The following PTH1R variants were observed in gnomAD, a reference collection of about 807,000 sequenced individuals.
The protein encoded by PTH1R is parathyroid hormone 1 receptor, also known as parathyroid hormone/parathyroid hormone-related peptide receptor.
In PTH1R, 32 loss-of-function variants were observed where a neutral mutation model predicts 70.7. That is an observed-to-expected ratio of 0.45 (90% CI 0.34 to 0.61). The LOEUF (loss-of-function observed/expected upper bound fraction) is 0.61, where lower values mean the gene tolerates loss of function less well. PTH1R is among the 20% of genes least tolerant of loss of function. The pLI, the probability that PTH1R is intolerant of heterozygous loss-of-function variation, is 0.01. For missense variants in PTH1R, 626 were observed against 792.5 expected, an observed-to-expected ratio of 0.79 and a Z score of 2.52; for synonymous variants, 329 against 324.8, an observed-to-expected ratio of 1.01 and a Z score of -0.14.
Position 46,902,377 on chromosome 3 carries a change from T to C in PTH1R, c.1212-149T>C. ...TAGCACTTAGCCAGGACAGCAGCCA[T>C]GCAGGTGAACTGGGTTGTCCTCCCA... On this transcript the variant is annotated intron_variant, in intron 13 of 15. Coordinates refer to ENST00000449590, the MANE Select transcript of PTH1R (RefSeq NM_000316.3). The surrounding 1 kb of genome is among the most constrained non-coding windows in gnomAD (Gnocchi z 5.4). 2.8e-6 allele frequency: 3 copies of C among 1,085,134 alleles called. No homozygotes were observed. Among genetic ancestry groups the C allele is most frequent in the Non-Finnish European group, 4.1e-6 (3 of 733,386 alleles). The allele number at this position is 1,085,134 out of a possible 1,614,324, so 67.2% of individuals were successfully genotyped here.
chr3:46,899,270 C>G (rs1166150896), intron 9 of PTH1R, 33 bp from the exon 10 acceptor site: 1 of 1,613,554 alleles, frequency 6.2e-7, no homozygotes, highest in South Asian at 1.1e-5. Context: ...GAGGCAGGCC[C>G]TGCCCTCTGA....
At chr3:46,890,868 A>G (rs141583536) in intron 3 of PTH1R, among the ~76,000 whole-genome samples, 41 of 152,312 alleles carry the variant, frequency 2.7e-4, no homozygotes, top group African/African-American at 9.4e-4. Flanking sequence ...CAACTTTCTC[A>G]GACACGAAGC....
In PTH1R at chr3:46,898,168, T is replaced by C; in HGVS notation, c.519T>C (p.Phe173=). ...CCAACTACAGCGAGTGTGTCAAATT[T>C]CTCACCAATGAGACTCGTGAACGGG... ...TWANYSECVK[F]LTNETREREV... The change falls in exon 7 of 16, where the codon TTT becomes TTC. Residue 173 remains phenylalanine (F), a synonymous_variant. Coordinates refer to ENST00000449590, the MANE Select transcript of PTH1R (RefSeq NM_000316.3). The C allele has an allele frequency of 1.2e-6, 2 of 1,614,138 alleles. No individual in the cohort carries two copies. Among genetic ancestry groups the C allele is most frequent in the Non-Finnish European group, 1.7e-6 (2 of 1,180,012 alleles).
chr3:46,880,704 G>T lies in PTH1R; in HGVS notation c.-105-358G>T, dbSNP rs185042652. 2.9e-3 allele frequency among the ~76,000 whole-genome samples: 447 copies of T among 152,274 alleles called. 4 individuals are homozygous for T. Among genetic ancestry groups the T allele is most frequent in the Non-Finnish European group, 3.9e-3 (263 of 68,024 alleles). ...ATCATGCCACTGGACTCCAGCCTGG[G>T]TGACAAAGTGAGACTTTGTCTTGAA... On this transcript the variant is annotated intron_variant, in intron 1 of 15. Transcript: ENST00000449590.
In PTH1R at chr3:46,893,830, C is replaced by G; in HGVS notation, c.76-77C>G. On this transcript the variant is annotated intron_variant, in intron 3 of 15. Coordinates refer to ENST00000449590, the MANE Select transcript of PTH1R (RefSeq NM_000316.3). The surrounding 1 kb of genome is among the most constrained non-coding windows in gnomAD (Gnocchi z 5.2). ...GGCCTTTTGAAAGGGGGTAGTCCCT[C>G]TGGGAAATTGGGATGTCTCTGGGAC... is the stretch of plus-strand genomic sequence containing the variant. 2 of 1,383,840 alleles carry G rather than the reference C, an allele frequency of 1.4e-6. No homozygotes were observed. Among genetic ancestry groups the G allele is most frequent in the Non-Finnish European group, 2.0e-6 (2 of 983,184 alleles). The allele number at this position is 1,383,840 out of a possible 1,614,324, so 85.7% of individuals were successfully genotyped here.
Position 46,897,848 on chromosome 3 carries a change from G to A in PTH1R, c.314-7G>A, listed in dbSNP as rs1393130555. ...GTATCCCCTACCCTGTCTGTCTCTG[G>A]GCACAGGGCGCCCCTGTCTGCCGGA... On this transcript the variant is annotated splice_polypyrimidine_tract_variant and splice_region_variant and intron_variant, in intron 5 of 15. Transcript: ENST00000449590. The A allele has an allele frequency of 1.2e-6, 2 of 1,612,302 alleles. No individual in the cohort carries two copies. The highest frequency in any genetic ancestry group is 4.5e-5 in the East Asian group (2 of 44,868).
Position 46,884,349 on chromosome 3 carries a change from G to T in PTH1R, c.75+715G>T, listed in dbSNP as rs114316645. On this transcript the variant is annotated intron_variant, in intron 3 of 15. Transcript: ENST00000449590. This position sits in a 1 kb window ranked among gnomAD's most constrained non-coding sequence, Gnocchi z 4.8. Reference sequence around the variant, plus strand: ...TAGGGAAGGCTAGAGGGAGAGGAGAGACAGAGACAAAGCCGGGTGGGGAGG... The same window carrying T: ...TAGGGAAGGCTAGAGGGAGAGGAGATACAGAGACAAAGCCGGGTGGGGAGG... Among the ~76,000 whole-genome samples the T allele has an allele frequency of 2.0e-5, 3 of 152,140 alleles. No homozygotes were observed. Among genetic ancestry groups the T allele is most frequent in the Non-Finnish European group, 4.4e-5 (3 of 68,006 alleles).
At chr3:46,899,248 C>T in intron 9 of PTH1R, 55 bp from the exon 10 acceptor site, 2 of 1,611,670 alleles carry the variant, frequency 1.2e-6, no homozygotes, top group Non-Finnish European at 8.5e-7. Flanking sequence ...CCAGCCCAGC[C>T]CTGACTTCCC....
At position 46,897,892 on chromosome 3, in the gene PTH1R, C is replaced by T; in HGVS notation, c.351C>T (p.Cys117=). The change falls in exon 6 of 16, where the codon TGC becomes TGT. Residue 117 remains cysteine, a synonymous_variant. Coordinates refer to ENST00000449590, the MANE Select transcript of PTH1R (RefSeq NM_000316.3). ...PCLPEWDHIL[C]WPLGAPGEVV... is the part of the protein sequence containing the mutation. ...TGCCGGAATGGGACCACATCCTGTGCTGGCCGCTGGGGGCACCAGGTGAGG... is the reference window on the plus strand; with the variant it reads ...TGCCGGAATGGGACCACATCCTGTGTTGGCCGCTGGGGGCACCAGGTGAGG... The T allele has an allele frequency of 6.2e-7, 1 of 1,613,858 alleles. No individual in the cohort carries two copies. Among genetic ancestry groups the T allele is most frequent in the Non-Finnish European group, 8.5e-7 (1 of 1,180,036 alleles).
In PTH1R at chr3:46,893,956, A is replaced by G; in HGVS notation, c.125A>G (p.His42Arg). The G allele has an allele frequency of 6.2e-7, 1 of 1,614,098 alleles. No individual in the cohort carries two copies. Among genetic ancestry groups the G allele is most frequent in the African/African-American group, 1.3e-5 (1 of 75,026 alleles). ...AAAGAGGAACAGATCTTCCTGCTGC[A>G]CCGTGCTCAGGCCCAGTGCGAAAAA... Reference protein sequence around the residue: ...MTKEEQIFLLHRAQAQCEKRL... With the variant: ...MTKEEQIFLLRRAQAQCEKRL... The change falls in exon 4 of 16, where the codon CAC becomes CGC. Residue 42 changes from histidine (H) to arginine (R), a missense_variant. Coordinates refer to ENST00000449590, the MANE Select transcript of PTH1R (RefSeq NM_000316.3). The surrounding 1 kb of genome is among the most constrained non-coding windows in gnomAD (Gnocchi z 5.2).
intron 8 of PTH1R, 51 bp downstream of exon 8, chr3:46,898,523 G>A (rs1198769323): frequency 2.5e-6 from 4 of 1,606,036 alleles, no homozygotes; most frequent in Admixed American, 3.3e-5. Flanking sequence ...GGGGGGCGGT[G>A]GCCGAGGTCT....
intron 1 of PTH1R, among the ~76,000 whole-genome samples, chr3:46,880,737 A>AAGAAGG (rs1023449433): frequency 1.3e-4 from 19 of 150,442 alleles, no homozygotes; most frequent in Non-Finnish European, 4.4e-5. Flanking sequence ...GAAGAAGAAG[A>AAGAAGG]AGAAGGAGAA....
At position 46,882,669 on chromosome 3, in the gene PTH1R, G is replaced by GGGGA. The variant is rs2030686686; in HGVS notation, c.-48-833_-48-830dup. 6.6e-6 allele frequency among the ~76,000 whole-genome samples: 1 copy of GGGGA among 152,044 alleles called. No homozygotes were observed. The highest frequency in any genetic ancestry group is 1.5e-5 in the Non-Finnish European group (1 of 67,982). On this transcript the variant is annotated intron_variant, in intron 2 of 15. Transcript: ENST00000449590. This position sits in a 1 kb window ranked among gnomAD's most constrained non-coding sequence, Gnocchi z 4.3. Reference sequence around the variant, plus strand: ...GCAAATGTTTTCGTAGAGAGAAAAGGGGGAGGGAGGGAGCGAGGGAGTGAC... The same window carrying GGGGA: ...GCAAATGTTTTCGTAGAGAGAAAAGGGGGAGGGAGGGAGGGAGCGAGGGAGTGAC...
chr3:46,901,291 C>A lies in PTH1R; in HGVS notation c.1050-123C>A. The stretch of plus-strand genomic sequence containing the variant: ...GTGAGGGAGGCCTCAGGCCTGGCCA[C>A]ACCCAGCACCCCTGCCCTGTGTCCT... On this transcript the variant is annotated intron_variant, in intron 11 of 15. Coordinates refer to ENST00000449590, the MANE Select transcript of PTH1R (RefSeq NM_000316.3). The surrounding 1 kb of genome is among the most constrained non-coding windows in gnomAD (Gnocchi z 7.3). 7.4e-7 allele frequency: 1 copy of A among 1,356,024 alleles called. No homozygotes were observed. Among genetic ancestry groups the A allele is most frequent in the Non-Finnish European group, 1.0e-6 (1 of 974,522 alleles). 84.0% of individuals were successfully genotyped at this position (1,356,024 alleles called of 1,614,324 possible). A position where few individuals can be genotyped will look rare whatever the true frequency, so the allele number is the denominator to read the frequency against.
At position 46,896,560 on chromosome 3, in the gene PTH1R, C is replaced by T. The variant is rs1362379853; in HGVS notation, c.313+691C>T. ...CTGGGAGGCTGTGGTCACCCTGTGG[C>T]TCCCTGGGGACCAGAGGGAATTGTG... is the stretch of plus-strand genomic sequence containing the variant. On this transcript the variant is annotated intron_variant, in intron 5 of 15. Transcript: ENST00000449590. The surrounding 1 kb of genome is among the most constrained non-coding windows in gnomAD (Gnocchi z 4.1). Among the ~76,000 whole-genome samples, 1 of 152,192 alleles carries T rather than the reference C, an allele frequency of 6.6e-6. No individual in the cohort carries two copies. Among genetic ancestry groups the T allele is most frequent in the African/African-American group, 2.4e-5 (1 of 41,432 alleles).
In PTH1R at chr3:46,883,542, C is replaced by T. The variant is rs1372610004; in HGVS notation, c.-18C>T. ...GCGGCGGCGGCTGCCCCGAGGGACG[C>T]GGCCCTAGGCGGTGGCGATGGGGAC... On this transcript the variant is annotated 5_prime_UTR_variant, in exon 3 of 16. Transcript: ENST00000449590. The surrounding 1 kb of genome is among the most constrained non-coding windows in gnomAD (Gnocchi z 6.4). 2 of 1,511,952 alleles carry T rather than the reference C, an allele frequency of 1.3e-6. No individual in the cohort carries two copies. Among genetic ancestry groups the T allele is most frequent in the Non-Finnish European group, 1.8e-6 (2 of 1,135,488 alleles). The allele number at this position is 1,511,952 out of a possible 1,614,324, so 93.7% of individuals were successfully genotyped here.
At chr3:46,878,076 C>T (rs1317734631) in intron 1 of PTH1R, among the ~76,000 whole-genome samples, 3 of 152,204 alleles carry the variant, frequency 2.0e-5, no homozygotes, top group African/African-American at 7.2e-5. Context: ...CTTAGGAGTG[C>T]TCCCTGGTTG....
At position 46,903,267 on chromosome 3, in the gene PTH1R, AAGGTACAAGCTGAG is replaced by A; in HGVS notation, c.1396-1_1408del. ...CTGACTGCCGCACCCTTACTGCCCCAAGGTACAAGCTGAGATCAAGAAATCTTGGAGCCGCTGGA... is the reference window on the plus strand; with the variant it reads ...CTGACTGCCGCACCCTTACTGCCCCAATCAAGAAATCTTGGAGCCGCTGGA... On this transcript the variant is annotated splice_acceptor_variant and coding_sequence_variant, in exon 16 of 16. Transcript: ENST00000449590. LOFTEE classifies it high-confidence loss of function. The surrounding 1 kb of genome is among the most constrained non-coding windows in gnomAD (Gnocchi z 4.4). 6.2e-7 allele frequency: 1 copy of A among 1,612,636 alleles called. No homozygotes were observed. Among genetic ancestry groups the A allele is most frequent in the South Asian group, 1.1e-5 (1 of 91,046 alleles).
rs1436870015 is a variant in PTH1R at position 46,901,019 on chromosome 3, C to T, written c.989-6C>T. The T allele has an allele frequency of 3.2e-6, 5 of 1,580,606 alleles. No homozygotes were observed. Reference sequence around the variant, plus strand: ...TCCTGCACACTGTCCCCCTCTGTGCCCACAGGTCTGCCCGCTGTCTTCGTG... The same window carrying T: ...TCCTGCACACTGTCCCCCTCTGTGCTCACAGGTCTGCCCGCTGTCTTCGTG... On this transcript the variant is annotated splice_region_variant and splice_polypyrimidine_tract_variant and intron_variant, in intron 10 of 15. Coordinates refer to ENST00000449590, the MANE Select transcript of PTH1R (RefSeq NM_000316.3). The surrounding 1 kb of genome is among the most constrained non-coding windows in gnomAD (Gnocchi z 7.3).
Sources: allele counts gnomAD v4.1 joint callset (sites outside exome capture counted in the v4.1 genomes callset), GRCh38; gene constraint gnomAD v4.1.1; non-coding constraint Gnocchi (gnomAD v3.1); transcripts MANE v1.5; gene names NCBI Gene and HGNC (gene_info 2026-07-23, HGNC 2026-07-21).